The following LINGO2 variants were observed in gnomAD, a reference collection of about 807,000 sequenced individuals.
LINGO2 encodes the protein leucine rich repeat and Ig domain containing 2.
Under a neutral mutation model 30.6 loss-of-function variants are expected in LINGO2, and 14 were observed. The ratio of observed to expected loss-of-function variants is 0.46; its 90% CI spans 0.30 to 0.72. The LOEUF is 0.72. LINGO2 is among the 30% of genes least tolerant of loss of function. The probability of loss-of-function intolerance (pLI) is 0.07; values close to 1 mark genes in which losing one functional copy is unlikely to be tolerated. For synonymous variants in LINGO2, 317 were observed against 288.5 expected (o/e 1.10, Z -1.00); for missense variants, 729 against 751.7 (o/e 0.97, Z 0.35).
intron 4 of LINGO2, among the ~76,000 whole-genome samples, chr9:28,253,482 C>G (rs949366993): frequency 6.6e-6 from 1 of 152,090 alleles, no homozygotes; most frequent in Non-Finnish European, 1.5e-5. Context: ...TTCTCTCAAT[C>G]CAGAGGTAAA....
intron 2 of LINGO2, among the ~76,000 whole-genome samples, chr9:28,388,749 C>CT (rs1821702807): frequency 6.6e-6 from 1 of 152,092 alleles, no homozygotes; most frequent in Admixed American, 6.6e-5. Context: ...TTCCTTGAAG[C>CT]TTTATCTGAA....
intron 1 of LINGO2, among the ~76,000 whole-genome samples, chr9:28,619,389 T>A (rs1469923382): frequency 3.3e-5 from 5 of 152,286 alleles, no homozygotes; most frequent in Middle Eastern, 3.4e-3. Flanking sequence ...GAATACGTTA[T>A]TTCTACCACT....
chr9:28,767,620 C>A, the LINGO2 span, among the ~76,000 whole-genome samples: 1 of 151,728 alleles, frequency 6.6e-6, no homozygotes, highest in Non-Finnish European at 1.5e-5. Flanking sequence ...CCCGTCTCTA[C>A]TAAAAATACA....
At chr9:28,207,906 C>A (rs1362898812) in intron 4 of LINGO2, among the ~76,000 whole-genome samples, 1 of 151,714 alleles carries the variant, frequency 6.6e-6, no homozygotes, top group African/African-American at 2.4e-5. Flanking sequence ...AAACTTGGCT[C>A]TTCTGTATGC....
At chr9:28,410,878 A>G (rs1403562621) in intron 2 of LINGO2, among the ~76,000 whole-genome samples, 3 of 152,120 alleles carry the variant, frequency 2.0e-5, no homozygotes, top group Non-Finnish European at 4.4e-5. Flanking sequence ...ACTTTTGCAA[A>G]TGAGGTAAAA....
At chr9:28,437,649 C>T (rs1370416286) in intron 2 of LINGO2, among the ~76,000 whole-genome samples, 3 of 151,910 alleles carry the variant, frequency 2.0e-5, no homozygotes, top group Non-Finnish European at 2.9e-5. Context: ...ACCAATGTAT[C>T]TCCTCTCCCC....
At chr9:28,486,658 A>G (rs1826176240) in intron 1 of LINGO2, among the ~76,000 whole-genome samples, 1 of 152,110 alleles carries the variant, frequency 6.6e-6, no homozygotes. Flanking sequence ...TAGTTCTGTT[A>G]TAATGAATAG....
chr9:27,978,356 G>A (rs1338261582), intron 5 of LINGO2, among the ~76,000 whole-genome samples: 6 of 152,076 alleles, frequency 3.9e-5, no homozygotes, highest in Non-Finnish European at 8.8e-5. Flanking sequence ...TAGAGAGAAT[G>A]TTTGCATTAC....
chr9:29,175,711 G>C, the LINGO2 span, among the ~76,000 whole-genome samples: 2 of 151,834 alleles, frequency 1.3e-5, no homozygotes, highest in African/African-American at 4.8e-5. Context: ...ATCTTTAGTA[G>C]AGACGGGGTT....
intron 3 of LINGO2, among the ~76,000 whole-genome samples, chr9:28,359,372 T>C (rs561129421): frequency 3.7e-4 from 57 of 152,058 alleles, no homozygotes; most frequent in Non-Finnish European, 7.9e-4. Context: ...CAAATTAACA[T>C]CAATCTTCTT....
At chr9:28,784,793 A>T in the LINGO2 span, among the ~76,000 whole-genome samples, 4 of 152,092 alleles carry the variant, frequency 2.6e-5, no homozygotes, top group African/African-American at 9.7e-5. Context: ...CTCTACTAAA[A>T]ATACAAAAGT....
At chr9:29,012,312 C>G in the LINGO2 span, among the ~76,000 whole-genome samples, 1 of 151,872 alleles carries the variant, frequency 6.6e-6, no homozygotes, top group African/African-American at 2.4e-5. Context: ...GAGCTGAGAT[C>G]ACACCACTGC....
At chr9:28,039,392 G>T (rs12347134) in intron 4 of LINGO2, among the ~76,000 whole-genome samples, 2 of 152,114 alleles carry the variant, frequency 1.3e-5, no homozygotes, top group Non-Finnish European at 2.9e-5. Context: ...AAGAGAACAC[G>T]TTATTGCATA....
intron 2 of LINGO2, among the ~76,000 whole-genome samples, chr9:28,442,706 A>G (rs1382447824): frequency 1.3e-5 from 2 of 152,174 alleles, no homozygotes; most frequent in African/African-American, 4.8e-5. Flanking sequence ...GGCTTCTGCT[A>G]GGTAATTAGG....
chr9:29,015,666 TA>T, the LINGO2 span, among the ~76,000 whole-genome samples: 1 of 152,072 alleles, frequency 6.6e-6, no homozygotes, highest in South Asian at 2.1e-4. Flanking sequence ...ATCTATAGAT[TA>T]AAAAAATATA....
At chr9:28,325,181 G>A (rs1416759792) in intron 3 of LINGO2, among the ~76,000 whole-genome samples, 1 of 151,292 alleles carries the variant, frequency 6.6e-6, no homozygotes, top group Non-Finnish European at 1.5e-5. Context: ...CTGATTATAG[G>A]CCCCTGAATT....
the LINGO2 span, among the ~76,000 whole-genome samples, chr9:28,791,868 C>T: frequency 6.6e-6 from 1 of 151,380 alleles, no homozygotes; most frequent in South Asian, 2.1e-4. Flanking sequence ...GAGATGAAAA[C>T]ATTGTAATTA....
intron 1 of LINGO2, among the ~76,000 whole-genome samples, chr9:28,484,811 C>T (rs961938432): frequency 7.9e-5 from 12 of 152,064 alleles, no homozygotes; most frequent in African/African-American, 2.9e-4. Context: ...TTTAAGTCTG[C>T]TGGTGTTACA....
the LINGO2 span, among the ~76,000 whole-genome samples, chr9:29,117,070 A>C: frequency 5.8e-3 from 890 of 152,346 alleles, 8 homozygotes; most frequent in African/African-American, 0.021. Flanking sequence ...TATAAGAATT[A>C]TGTAACACAA....
Sources: gnomAD v4.1 joint callset for allele counts (sites outside exome capture counted in the v4.1 genomes callset) on GRCh38, gnomAD v4.1.1 for gene constraint, MANE v1.5 for transcripts, NCBI Gene and HGNC (gene_info 2026-07-23, HGNC 2026-07-21) for gene names.